The following ANKS1B variants were observed in gnomAD, a reference collection of about 807,000 sequenced individuals.
ANKS1B encodes ankyrin repeat and sterile alpha motif domain-containing protein 1B.
In ANKS1B, 36 loss-of-function variants were observed where a neutral mutation model predicts 148.3. The ratio of observed to expected loss-of-function variants is 0.24; its 90% confidence interval spans 0.19 to 0.32. The LOEUF is 0.32. Ranked by LOEUF, ANKS1B falls within the 10% of genes least tolerant of loss-of-function variation. The pLI, the probability that ANKS1B is intolerant of heterozygous loss-of-function variation, is 1.00. For missense variants in ANKS1B, 1,157 were observed against 1,542.6 expected (o/e 0.75, Z 4.19); for synonymous variants, 542 against 560.8 (o/e 0.97, Z 0.47).
intron 9 of ANKS1B, among the ~76,000 whole-genome samples, chr12:99,592,959 C>G (rs1210541732): frequency 6.6e-6 from 1 of 152,152 alleles, no homozygotes; most frequent in African/African-American, 2.4e-5. Context: ...TTGGTTGAAA[C>G]AGTTATTATC....
chr12:98,879,276 G>T (rs1327163356), intron 17 of ANKS1B, among the ~76,000 whole-genome samples: 1 of 152,176 alleles, frequency 6.6e-6, no homozygotes, highest in African/African-American at 2.4e-5. Flanking sequence ...CCATCTATGT[G>T]TCTATCTAAT....
At chr12:99,257,360 A>G (rs1310888813) in intron 12 of ANKS1B, among the ~76,000 whole-genome samples, 1 of 151,962 alleles carries the variant, frequency 6.6e-6, no homozygotes. Flanking sequence ...TCTGTGATAC[A>G]TTTTGGGGAA....
intron 12 of ANKS1B, among the ~76,000 whole-genome samples, chr12:99,295,840 T>A (rs772224952): frequency 2.6e-5 from 4 of 152,196 alleles, no homozygotes; most frequent in Non-Finnish European, 4.4e-5. Context: ...CTCCCACTTA[T>A]AAGTGAGTAC....
chr12:99,063,847 C>T (rs2043217713), intron 16 of ANKS1B, among the ~76,000 whole-genome samples: 1 of 152,196 alleles, frequency 6.6e-6, no homozygotes, highest in African/African-American at 2.4e-5. Context: ...GTGATAAACT[C>T]TCTGTGTTGT....
chr12:99,037,665 C>T (rs1373422982), intron 17 of ANKS1B, among the ~76,000 whole-genome samples: 1 of 152,196 alleles, frequency 6.6e-6, no homozygotes, highest in Non-Finnish European at 1.5e-5. Flanking sequence ...AAGGAAGTCA[C>T]TGTGTTTTAG....
Position 99,893,619 on chromosome 12 carries a change from C to A in ANKS1B, c.135-68230G>T, listed in dbSNP as rs116193879. Among the ~76,000 whole-genome samples the A allele has an allele frequency of 4.0e-3, 613 of 152,106 alleles. 4 individuals carry two copies. The highest frequency in any genetic ancestry group is 0.014 in the African/African-American group (577 of 41,488). On this transcript the variant is annotated intron_variant, in intron 1 of 26. Coordinates refer to ENST00000683438, the MANE Select transcript of ANKS1B (RefSeq NM_001352186.2). Reference sequence around the variant, plus strand: ...AGAAAAACAATATAAATGGTCAAATCTAATATATTTTTGGCTTTCTTTTTG... The same window carrying A: ...AGAAAAACAATATAAATGGTCAAATATAATATATTTTTGGCTTTCTTTTTG...
At chr12:99,531,037 G>C (rs2153089387) in intron 9 of ANKS1B, among the ~76,000 whole-genome samples, 1 of 152,238 alleles carries the variant, frequency 6.6e-6, no homozygotes, top group Non-Finnish European at 1.5e-5. Flanking sequence ...CTGAGTAGCA[G>C]GGCCCTCCCA....
At chr12:99,701,954 G>A (rs902769848) in intron 8 of ANKS1B, among the ~76,000 whole-genome samples, 2 of 152,116 alleles carry the variant, frequency 1.3e-5, no homozygotes, top group East Asian at 3.9e-4. Context: ...TGGACACTTA[G>A]GTTGCTTCCA....
chr12:99,425,160 A>G (rs2152728439), intron 11 of ANKS1B, among the ~76,000 whole-genome samples: 1 of 152,118 alleles, frequency 6.6e-6, no homozygotes. Context: ...TTTTAACAAT[A>G]TATAAACACA....
chr12:99,663,148 G>A (rs1599115834), intron 8 of ANKS1B, among the ~76,000 whole-genome samples: 2 of 152,226 alleles, frequency 1.3e-5, no homozygotes, highest in African/African-American at 4.8e-5. Flanking sequence ...AAGAAAACGT[G>A]AGGTGTTAAG....
intron 4 of ANKS1B, among the ~76,000 whole-genome samples, chr12:99,803,273 T>TAC (rs2067177529): frequency 5.3e-5 from 1 of 19,010 alleles, no homozygotes. Context: ...AATTAAATAT[T>TAC]CACCCCCCCC....
At chr12:98,892,446 C>A (rs2099754654) in intron 17 of ANKS1B, among the ~76,000 whole-genome samples, 1 of 152,088 alleles carries the variant, frequency 6.6e-6, no homozygotes, top group South Asian at 2.1e-4. Context: ...CAATTTATAC[C>A]CTATTTCGAA....
chr12:99,238,891 C>T (rs2088617771), intron 14 of ANKS1B, among the ~76,000 whole-genome samples: 1 of 152,200 alleles, frequency 6.6e-6, no homozygotes, highest in South Asian at 2.1e-4. Flanking sequence ...AGGACATCCA[C>T]ACCAAAACCC....
intron 17 of ANKS1B, among the ~76,000 whole-genome samples, chr12:99,052,480 C>A (rs1332729111): frequency 6.7e-6 from 1 of 148,502 alleles, no homozygotes; most frequent in Non-Finnish European, 1.5e-5. Context: ...GTAATCCCAG[C>A]ACTTTGGGAG....
At chr12:99,677,866 G>A (rs1048898448) in intron 8 of ANKS1B, among the ~76,000 whole-genome samples, 6 of 152,130 alleles carry the variant, frequency 3.9e-5, no homozygotes, top group African/African-American at 7.2e-5. Flanking sequence ...CCAGCTACTC[G>A]GGAGGCTGAG....
chr12:99,441,207 T>C (rs1382413032), intron 11 of ANKS1B, among the ~76,000 whole-genome samples: 1 of 151,892 alleles, frequency 6.6e-6, no homozygotes, highest in Non-Finnish European at 1.5e-5. Flanking sequence ...GTGATTAAAA[T>C]ATAGGCTTTT....
intron 15 of ANKS1B, among the ~76,000 whole-genome samples, chr12:99,092,773 A>G (rs1238004679): frequency 6.6e-6 from 1 of 152,234 alleles, no homozygotes; most frequent in African/African-American, 2.4e-5. Context: ...CAACACAGCC[A>G]CATATAATGA....
intron 17 of ANKS1B, among the ~76,000 whole-genome samples, chr12:98,848,743 G>GTTTTTTT (rs10695483): frequency 2.1e-5 from 1 of 48,090 alleles, no homozygotes; most frequent in Non-Finnish European, 3.5e-5. Flanking sequence ...TGTATGTGTG[G>GTTTTTTT]TTTTTTTTTT....
At position 99,874,924 on chromosome 12, in the gene ANKS1B, G is replaced by A. The variant is rs548150190; in HGVS notation, c.135-49535C>T. On this transcript the variant is annotated intron_variant, in intron 1 of 26. Coordinates refer to ENST00000683438, the MANE Select transcript of ANKS1B (RefSeq NM_001352186.2). ...CAAATACTTGACATGTGTCTACTTT[G>A]AAGCACGTATTATAGTAAGAACTCA... Among the ~76,000 whole-genome samples the A allele has an allele frequency of 2.0e-5, 3 of 152,264 alleles. No homozygotes were observed. The South Asian group carries it at 6.2e-4, about 32-fold the overall frequency.
Sources: allele counts gnomAD v4.1 joint callset (sites outside exome capture counted in the v4.1 genomes callset), GRCh38; gene constraint gnomAD v4.1.1; transcripts MANE v1.5; gene names NCBI Gene and HGNC (gene_info 2026-07-23, HGNC 2026-07-21).